GRM5: variants seen among roughly 807,000 people sequenced by gnomAD.
The protein encoded by GRM5 is glutamate metabotropic receptor 5, also known as metabotropic glutamate receptor 5.
In GRM5, 19 loss-of-function variants were observed where a neutral mutation model predicts 83.1. That is an observed-to-expected ratio of 0.23 (90% CI 0.16 to 0.34). The LOEUF is 0.34. Ranked by LOEUF, GRM5 falls within the 10% of genes least tolerant of loss-of-function variation. The probability of loss-of-function intolerance (pLI) is 1.00; values close to 1 mark genes in which losing one functional copy is unlikely to be tolerated. For synonymous variants in GRM5, 675 were observed against 633.6 expected (o/e 1.07, Z -0.98); for missense variants, 1,160 against 1,588.3 (o/e 0.73, Z 4.58).
chr11:88,728,611 C>T (rs1941736883), intron 3 of GRM5, among the ~76,000 whole-genome samples: 1 of 151,978 alleles, frequency 6.6e-6, no homozygotes, highest in African/African-American at 2.4e-5. Flanking sequence ...GGAACATCAA[C>T]ATGAAAATCC....
intron 2 of GRM5, among the ~76,000 whole-genome samples, chr11:89,009,915 A>AC: frequency 1.4e-5 from 2 of 142,534 alleles, no homozygotes; most frequent in African/African-American, 5.3e-5. Flanking sequence ...AAAAAAAAAA[A>AC]AAAAAAAAAA....
intron 2 of GRM5, among the ~76,000 whole-genome samples, chr11:88,960,261 T>C (rs1938742307): frequency 6.6e-6 from 1 of 152,144 alleles, no homozygotes; most frequent in Admixed American, 6.5e-5. Context: ...ACTGGAAGGC[T>C]GTAAAAAGAA....
At chr11:89,003,325 A>T (rs1167111654) in intron 2 of GRM5, among the ~76,000 whole-genome samples, 1 of 152,140 alleles carries the variant, frequency 6.6e-6, no homozygotes, top group Non-Finnish European at 1.5e-5. Context: ...ACCCCGGGAT[A>T]TAAAAACAAA....
intron 3 of GRM5, among the ~76,000 whole-genome samples, chr11:88,812,932 G>A (rs1022764165): frequency 6.6e-6 from 1 of 152,002 alleles, no homozygotes; most frequent in Non-Finnish European, 1.5e-5. Flanking sequence ...GTCTATGCTT[G>A]TTTCATTCAT....
At chr11:88,942,707 T>C (rs1938153550) in intron 2 of GRM5, among the ~76,000 whole-genome samples, 1 of 150,964 alleles carries the variant, frequency 6.6e-6, no homozygotes, top group South Asian at 2.1e-4. Flanking sequence ...AGATTTGTCA[T>C]TTTCCCTGTA....
In GRM5 at chr11:88,639,381, A is replaced by G. The variant is rs573269113; in HGVS notation, c.1147+13787T>C. On this transcript the variant is annotated intron_variant, in intron 4 of 9. Coordinates refer to ENST00000305447, the MANE Select transcript of GRM5 (RefSeq NM_001143831.3). ...TCCATTTTCTCACTTTAGAAGGGTC[A>G]CATCTTTTATTTCTTGTCTCTTGAG... is the stretch of plus-strand genomic sequence containing the variant. Among the ~76,000 whole-genome samples, 40 of 152,242 alleles carry G rather than the reference A, an allele frequency of 2.6e-4. No homozygotes were observed. In the South Asian group the frequency reaches 5.2e-3, roughly 20 times the overall value.
intron 4 of GRM5, among the ~76,000 whole-genome samples, chr11:88,636,884 G>A (rs1035056943): frequency 2.0e-5 from 3 of 152,054 alleles, no homozygotes; most frequent in Admixed American, 6.6e-5. Flanking sequence ...TTATTTCTGA[G>A]GGCTCTGTTC....
At chr11:88,694,018 T>C (rs893597129) in intron 3 of GRM5, among the ~76,000 whole-genome samples, 2 of 152,188 alleles carry the variant, frequency 1.3e-5, no homozygotes, top group African/African-American at 4.8e-5. Flanking sequence ...ATCTTGACTC[T>C]TTTTTGATCT....
chr11:88,822,878 T>C (rs1259640944), intron 3 of GRM5, among the ~76,000 whole-genome samples: 3 of 152,036 alleles, frequency 2.0e-5, no homozygotes, highest in Non-Finnish European at 4.4e-5. Context: ...TCTCTCCAGT[T>C]TTTTGAAGTG....
chr11:88,556,248 TGAG>T (rs1464603185), intron 8 of GRM5, among the ~76,000 whole-genome samples: 2 of 151,898 alleles, frequency 1.3e-5, no homozygotes, highest in Non-Finnish European at 2.9e-5. Flanking sequence ...GGTGGGGTCA[TGAG>T]ATGACCCCAG....
intron 8 of GRM5, among the ~76,000 whole-genome samples, chr11:88,552,515 C>T (rs1942531438): frequency 6.6e-6 from 1 of 152,124 alleles, no homozygotes; most frequent in Admixed American, 6.6e-5. Context: ...TGTGCAAACC[C>T]ACAGTGGTAG....
chr11:88,823,909 T>G (rs73541426), intron 3 of GRM5, among the ~76,000 whole-genome samples: 1 of 152,164 alleles, frequency 6.6e-6, no homozygotes, highest in African/African-American at 2.4e-5. Context: ...GGGATGCTTA[T>G]TGCTTAAACA....
chr11:88,644,046 A>G (rs1414319868), intron 4 of GRM5, among the ~76,000 whole-genome samples: 1 of 152,232 alleles, frequency 6.6e-6, no homozygotes, highest in Non-Finnish European at 1.5e-5. Flanking sequence ...TTGAATGTGA[A>G]AAACTTGCAC....
chr11:89,003,657 G>A (rs913362601), intron 2 of GRM5, among the ~76,000 whole-genome samples: 7 of 150,930 alleles, frequency 4.6e-5, no homozygotes, highest in Non-Finnish European at 7.4e-5. Flanking sequence ...CTAAGACCCC[G>A]TCTTTGAACA....
intron 3 of GRM5, among the ~76,000 whole-genome samples, chr11:88,825,340 T>C (rs1224045079): frequency 6.6e-6 from 1 of 152,198 alleles, no homozygotes; most frequent in Non-Finnish European, 1.5e-5. Flanking sequence ...GAAACAGTTT[T>C]GCTATTTCAT....
intron 2 of GRM5, among the ~76,000 whole-genome samples, chr11:88,971,998 A>T (rs2135005874): frequency 6.6e-6 from 1 of 152,242 alleles, no homozygotes; most frequent in East Asian, 1.9e-4. Context: ...AGTCTGGGAC[A>T]AATTCAAATA....
At chr11:88,640,416 A>C (rs1290022370) in intron 4 of GRM5, among the ~76,000 whole-genome samples, 1 of 152,218 alleles carries the variant, frequency 6.6e-6, no homozygotes. Context: ...AACAACAATC[A>C]TCACAGAAGA....
chr11:88,665,772 A>C (rs917120200), intron 3 of GRM5, among the ~76,000 whole-genome samples: 2 of 144,868 alleles, frequency 1.4e-5, no homozygotes, highest in Non-Finnish European at 3.1e-5. Context: ...GACAACTAGA[A>C]AGGCTGAATA....
At chr11:88,929,341 A>T (rs1937634214) in intron 2 of GRM5, among the ~76,000 whole-genome samples, 1 of 152,158 alleles carries the variant, frequency 6.6e-6, no homozygotes, top group South Asian at 2.1e-4. Flanking sequence ...TTAAACAATT[A>T]ACAACATACA....
Sources: gnomAD v4.1 joint callset for allele counts (sites outside exome capture counted in the v4.1 genomes callset) on GRCh38, gnomAD v4.1.1 for gene constraint, MANE v1.5 for transcripts, NCBI Gene and HGNC (gene_info 2026-07-23, HGNC 2026-07-21) for gene names.